RYR3: variants seen among roughly 807,000 people sequenced by gnomAD.
The protein encoded by RYR3 is ryanodine receptor 3.
In RYR3, 207 loss-of-function variants were observed where a neutral mutation model predicts 584.3. That is an observed-to-expected ratio of 0.35 (90% CI 0.32 to 0.40). RYR3 has a LOEUF of 0.40. RYR3 is among the 10% of genes least tolerant of loss of function. The pLI is 1.00. For missense variants in RYR3, 5,616 were observed against 6,089.2 expected, an observed-to-expected ratio of 0.92 and a Z score of 2.59; for synonymous variants, 2,416 against 2,248.5, an observed-to-expected ratio of 1.07 and a Z score of -2.11.
In RYR3 at chr15:33,623,949, A is replaced by G. The variant is rs748947513; in HGVS notation, c.2500A>G (p.Ile834Val). ...VKEYKRDADGIRDLLGTTQFL... is the reference protein window; with the variant it reads ...VKEYKRDADGVRDLLGTTQFL... ...AGAATATAAACGTGATGCTGATGGCATTAGAGATCTCTTGGGTACCACCCA... is the reference window on the plus strand; with the variant it reads ...AGAATATAAACGTGATGCTGATGGCGTTAGAGATCTCTTGGGTACCACCCA... The change falls in exon 20 of 104, where the codon ATT becomes GTT. Residue 834 changes from isoleucine (I) to valine (V), a missense_variant. Coordinates refer to ENST00000634891, the MANE Select transcript of RYR3 (RefSeq NM_001036.6). The G allele has an allele frequency of 1.1e-5, 17 of 1,613,914 alleles. No homozygotes were observed. The highest frequency in any genetic ancestry group is 1.2e-5 in the Non-Finnish European group (14 of 1,179,884).
At chr15:33,776,757 A>G (rs183635702) in intron 64 of RYR3, among the ~76,000 whole-genome samples, 1 of 152,228 alleles carries the variant, frequency 6.6e-6, no homozygotes, top group East Asian at 1.9e-4. Context: ...GCAAGATATT[A>G]TTATTATTAC....
intron 12 of RYR3, among the ~76,000 whole-genome samples, chr15:33,575,844 AAATT>A (rs2058273714): frequency 6.6e-6 from 1 of 151,238 alleles, no homozygotes; most frequent in East Asian, 1.9e-4. Flanking sequence ...TAAAAAAAAA[AAATT>A]AATAAAATAG....
At chr15:33,652,591 T>G in intron 31 of RYR3, 127 bp from the exon 32 acceptor site, 1 of 934,838 alleles carries the variant, frequency 1.1e-6, no homozygotes, top group Middle Eastern at 2.3e-4. Context: ...AAAAAAGTAT[T>G]TGGGGCTGAA....
chr15:33,678,334 C>A (rs2064331105), intron 38 of RYR3, among the ~76,000 whole-genome samples: 1 of 152,142 alleles, frequency 6.6e-6, no homozygotes, highest in Admixed American at 6.5e-5. Flanking sequence ...CCCACAAGAT[C>A]TGGTTGTTTG....
In RYR3 at chr15:33,362,413, T is replaced by TCAG. The variant is rs979552217; in HGVS notation, c.51+51341_51+51343dup. ...ATGTCTGTCGTCATCATCATCATCA[T>TCAG]CAGCAGCAGCAGCAGCAGCAGCAGC... On this transcript the variant is annotated intron_variant, in intron 1 of 103. Transcript: ENST00000634891. 3.0e-4 allele frequency among the ~76,000 whole-genome samples: 46 copies of TCAG among 152,144 alleles called. 1 individual carries two copies. The highest frequency in any genetic ancestry group is 1.2e-3 in the East Asian group (6 of 5,188).
chr15:33,624,910 C>G (rs1465973240), intron 20 of RYR3, among the ~76,000 whole-genome samples: 1 of 152,126 alleles, frequency 6.6e-6, no homozygotes, highest in Non-Finnish European at 1.5e-5. Context: ...GCATTTTTCC[C>G]ATAATATTCG....
In RYR3 at chr15:33,699,886, C is replaced by G. The variant is rs111406634; in HGVS notation, c.6379+53C>G. 1.7e-3 allele frequency: 2,653 copies of G among 1,580,032 alleles called. 27 individuals carry two copies. The African/African-American group carries it at 0.027, about 16-fold the overall frequency. ...ATCCAAACTCGAAGGTTACACTCCC[C>G]CTTTTGACCACTTAGGAAAATACAG... is the stretch of plus-strand genomic sequence containing the variant. On this transcript the variant is annotated intron_variant, in intron 41 of 103. Coordinates refer to ENST00000634891, the MANE Select transcript of RYR3 (RefSeq NM_001036.6).
chr15:33,517,967 G>A (rs6495130), intron 3 of RYR3, among the ~76,000 whole-genome samples: 49,731 of 152,032 alleles, frequency 0.33, 8,904 homozygotes, highest in African/African-American at 0.42. Flanking sequence ...TGTTCTTTCC[G>A]TTCTCTGGTT....
intron 57 of RYR3, among the ~76,000 whole-genome samples, chr15:33,752,923 A>C (rs1478965595): frequency 6.6e-6 from 1 of 152,002 alleles, no homozygotes; most frequent in Non-Finnish European, 1.5e-5. Context: ...AATAGCTCTT[A>C]TTATTTTGAG....
rs191665173 is a variant in RYR3 at position 33,561,639 on chromosome 15, G to A, written c.973-1198G>A. ...TATTAAGAATGAGAAGAATGTGGGG[G>A]TCGAGGTGGGTGGATTGCTTGAGCC... On this transcript the variant is annotated intron_variant, in intron 10 of 103. Coordinates refer to ENST00000634891, the MANE Select transcript of RYR3 (RefSeq NM_001036.6). Among the ~76,000 whole-genome samples the A allele has an allele frequency of 7.9e-5, 12 of 151,834 alleles. No homozygotes were observed. In the East Asian group the frequency reaches 1.7e-3, roughly 22 times the overall value.
At chr15:33,758,256 C>T (rs1251600921) in intron 60 of RYR3, among the ~76,000 whole-genome samples, 1 of 152,018 alleles carries the variant, frequency 6.6e-6, no homozygotes, top group Admixed American at 6.5e-5. Flanking sequence ...AGTTTTTTTT[C>T]CTACCCCAGT....
At chr15:33,463,908 A>C (rs2676096) in intron 1 of RYR3, among the ~76,000 whole-genome samples, 95,550 of 152,022 alleles carry the variant, frequency 0.63, 31,149 homozygotes, top group African/African-American at 0.83. Context: ...ACAATTCCAG[A>C]TGAGACCAAA....
intron 67 of RYR3, among the ~76,000 whole-genome samples, chr15:33,790,240 A>T (rs7402430): frequency 6.7e-6 from 1 of 150,050 alleles, no homozygotes; most frequent in African/African-American, 2.5e-5. Flanking sequence ...TGATCCACCC[A>T]CCTCGACCTC....
rs955527687 is a variant in RYR3 at position 33,463,805 on chromosome 15, T to C, written c.52-9614T>C. Among the ~76,000 whole-genome samples, 2 of 152,096 alleles carry C rather than the reference T, an allele frequency of 1.3e-5. 1 individual carries two copies. The highest frequency in any genetic ancestry group is 2.9e-5 in the Non-Finnish European group (2 of 68,014). ...TCTGCCTTCTTGGTAATGGGAAAAG[T>C]TGTAAAGAGGAATTACAACAGTCCT... On this transcript the variant is annotated intron_variant, in intron 1 of 103. Coordinates refer to ENST00000634891, the MANE Select transcript of RYR3 (RefSeq NM_001036.6).
In RYR3 at chr15:33,854,878, C is replaced by G. The variant is rs1311022698; in HGVS notation, c.13973C>G (p.Thr4658Ser). 1 of 1,612,936 alleles carries G rather than the reference C, an allele frequency of 6.2e-7. No individual in the cohort carries two copies. Among genetic ancestry groups the G allele is most frequent in the Non-Finnish European group, 8.5e-7 (1 of 1,179,604 alleles). The change falls in exon 98 of 104, where the codon ACC becomes AGC. Residue 4658 changes from threonine to serine, a missense_variant. By Grantham distance (58) the Thr-to-Ser change is moderately conservative (BLOSUM62 1). Coordinates refer to ENST00000634891, the MANE Select transcript of RYR3 (RefSeq NM_001036.6). Reference sequence around the variant, plus strand: ...GCAATGGGCTTCAAGACACTGAGGACCATTCTGTCATCTGTAACTCACAAT... The same window carrying G: ...GCAATGGGCTTCAAGACACTGAGGAGCATTCTGTCATCTGTAACTCACAAT... ...DIAMGFKTLR[T>S]ILSSVTHNGK...
In RYR3 at chr15:33,756,368, G is replaced by A; in HGVS notation, c.8578G>A (p.Ala2860Thr). The A allele has an allele frequency of 6.4e-7, 1 of 1,572,150 alleles. No homozygotes were observed. The highest frequency in any genetic ancestry group is 8.6e-7 in the Non-Finnish European group (1 of 1,157,298). The change falls in exon 59 of 104, where the codon GCC (alanine) becomes ACC (threonine). Residue 2860 changes from alanine to threonine, a missense_variant. Transcript: ENST00000634891. Reference protein sequence around the residue: ...SPRDQEIKFFAKVLLPLVDQY... With the variant: ...SPRDQEIKFFTKVLLPLVDQY... ...CCGTGACCAGGAGATCAAATTCTTT[G>A]CCAAAGTAAGTGGCCCTGCACTTAA...
intron 52 of RYR3, among the ~76,000 whole-genome samples, chr15:33,745,748 G>A (rs2070634011): frequency 6.6e-6 from 1 of 152,160 alleles, no homozygotes; most frequent in Non-Finnish European, 1.5e-5. Flanking sequence ...TGTTCTTCCT[G>A]CGAGGGGAGT....
chr15:33,662,509 G>A lies in RYR3; in HGVS notation c.4979G>A (p.Cys1660Tyr). The A allele has an allele frequency of 6.2e-7, 1 of 1,614,030 alleles. No individual in the cohort carries two copies. The highest frequency in any genetic ancestry group is 1.3e-5 in the African/African-American group (1 of 75,062). ...CTGCCTGGGGTGGGCCTGAGAACATGTCTCAAGCCCGGGTTCAGGTTCTCC... is the reference window on the plus strand; with the variant it reads ...CTGCCTGGGGTGGGCCTGAGAACATATCTCAAGCCCGGGTTCAGGTTCTCC... ...HGLPGVGLRT[C>Y]LKPGFRFSTP... The change falls in exon 35 of 104, where the codon TGT becomes TAT. Residue 1660 changes from cysteine to tyrosine, a missense_variant. Cys to Tyr is a radical substitution (Grantham distance 194, BLOSUM62 -2). This residue lies in a region of RYR3 where 753 missense variants were observed against 741.0 expected (regional missense o/e 1.02). Coordinates refer to ENST00000634891, the MANE Select transcript of RYR3 (RefSeq NM_001036.6).
chr15:33,479,502 T>TTTTTAA (rs2049759186), intron 2 of RYR3, among the ~76,000 whole-genome samples: 1 of 151,278 alleles, frequency 6.6e-6, no homozygotes, highest in African/African-American at 2.4e-5. Flanking sequence ...TTTTTTTTTT[T>TTTTTAA]AACATTTATC....
Sources: allele counts gnomAD v4.1 joint callset (sites outside exome capture counted in the v4.1 genomes callset), GRCh38; gene constraint gnomAD v4.1.1; regional missense constraint gnomAD v4.1.1; transcripts MANE v1.5; gene names NCBI Gene and HGNC (gene_info 2026-07-23, HGNC 2026-07-21).